The following PADI4 variants were observed in gnomAD, a reference collection of about 807,000 sequenced individuals.
The protein encoded by PADI4 is peptidyl arginine deiminase 4.
In PADI4, 62 loss-of-function variants were observed where a neutral mutation model predicts 75.0. The ratio of observed to expected loss-of-function variants is 0.83; its 90% CI spans 0.67 to 1.02. The LOEUF is 1.02. Ranked by LOEUF, PADI4 falls within the 50% of genes least tolerant of loss-of-function variation. The pLI, the probability that PADI4 is intolerant of heterozygous loss-of-function variation, is 0.00. For missense variants in PADI4, 845 were observed against 850.5 expected (o/e 0.99, Z 0.08); for synonymous variants, 361 against 348.1 (o/e 1.04, Z -0.41).
At chr1:17,355,186 G>C (rs2074738858) in intron 11 of PADI4, among the ~76,000 whole-genome samples, 1 of 152,204 alleles carries the variant, frequency 6.6e-6, no homozygotes, top group Non-Finnish European at 1.5e-5. Context: ...CCTGGCAAAT[G>C]AAAGTGCATG....
chr1:17,354,214 A>C (rs1241694019), intron 10 of PADI4, among the ~76,000 whole-genome samples: 2 of 152,078 alleles, frequency 1.3e-5, no homozygotes, highest in Non-Finnish European at 2.9e-5. Flanking sequence ...CGGCCCTCCA[A>C]CCTGGGCAAC....
intron 1 of PADI4, among the ~76,000 whole-genome samples, chr1:17,309,043 G>A (rs1318311131): frequency 6.6e-6 from 1 of 152,008 alleles, no homozygotes; most frequent in Non-Finnish European, 1.5e-5. Context: ...AAACAAGAGA[G>A]TTGAGGAATG....
intron 1 of PADI4, among the ~76,000 whole-genome samples, chr1:17,328,502 C>T (rs535329803): frequency 6.6e-6 from 1 of 152,150 alleles, no homozygotes; most frequent in Admixed American, 6.5e-5. Context: ...TAAAAATTAG[C>T]TGGGTGTGGT....
intron 1 of PADI4, among the ~76,000 whole-genome samples, chr1:17,321,119 G>A (rs1344013395): frequency 6.6e-6 from 1 of 152,198 alleles, no homozygotes; most frequent in African/African-American, 2.4e-5. Context: ...CTTTTGGTTG[G>A]AGTGATAAAG....
At chr1:17,351,316 T>C (rs2074615573) in intron 10 of PADI4, among the ~76,000 whole-genome samples, 1 of 149,502 alleles carries the variant, frequency 6.7e-6, no homozygotes, top group Admixed American at 6.7e-5. Context: ...TAAAGCCGAG[T>C]CTGGTGGCTC....
intron 1 of PADI4, among the ~76,000 whole-genome samples, chr1:17,313,526 A>AAAAAAAG (rs1557536933): frequency 6.8e-6 from 1 of 146,362 alleles, no homozygotes; most frequent in African/African-American, 2.5e-5. Flanking sequence ...AAAAAAGGAA[A>AAAAAAAG]GGAAGGAAAG....
intron 1 of PADI4, among the ~76,000 whole-genome samples, chr1:17,308,961 C>A: frequency 6.6e-6 from 1 of 152,076 alleles, no homozygotes; most frequent in East Asian, 1.9e-4. Context: ...CAGTGGTGGG[C>A]CCATCCTTGG....
chr1:17,334,596 C>T, intron 3 of PADI4: 1 of 456,250 alleles, frequency 2.2e-6, no homozygotes, highest in Non-Finnish European at 4.4e-6. Context: ...AACCACTGCG[C>T]CAGGCCCTCT....
At chr1:17,347,477 A>G (rs74058724) in intron 9 of PADI4, among the ~76,000 whole-genome samples, 8,392 of 152,166 alleles carry the variant, frequency 0.055, 278 homozygotes, top group African/African-American at 0.09. Flanking sequence ...GCTGGGTCTT[A>G]TCTGCCCTCC....
At chr1:17,354,077 T>TAA (rs11327771) in intron 10 of PADI4, among the ~76,000 whole-genome samples, 2 of 135,766 alleles carry the variant, frequency 1.5e-5, no homozygotes, top group African/African-American at 5.3e-5. Context: ...CCATCTCTAC[T>TAA]AAAAAAAAAA....
intron 15 of PADI4, among the ~76,000 whole-genome samples, chr1:17,363,027 A>G (rs1230676983): frequency 6.6e-6 from 1 of 152,052 alleles, no homozygotes; most frequent in African/African-American, 2.4e-5. Context: ...ATGTTGGCCA[A>G]GCTGGTCTCG....
chr1:17,354,425 GTA>G (rs1197394131), intron 10 of PADI4, 106 bp from the exon 11 acceptor site: 2 of 905,736 alleles, frequency 2.2e-6, no homozygotes, highest in Non-Finnish European at 3.7e-6. Flanking sequence ...GCTGTAGACG[GTA>G]CTGAGTTACT....
chr1:17,351,236 A>G (rs1412186689), intron 10 of PADI4, among the ~76,000 whole-genome samples: 11 of 150,302 alleles, frequency 7.3e-5, no homozygotes, highest in Admixed American at 6.6e-4. Context: ...ACAGGGAAAG[A>G]CAGAGTAGAG....
rs569314368 is a variant in PADI4 at position 17,340,046 on chromosome 1, G to A, written c.652+233G>A. Among the ~76,000 whole-genome samples the A allele has an allele frequency of 4.9e-3, 374 of 76,138 alleles. 4 individuals are homozygous for A. The highest frequency in any genetic ancestry group is 0.017 in the African/African-American group (352 of 20,244). The allele number at this position is 76,138 out of a possible 152,430, so 49.9% of individuals were successfully genotyped here. A position where few individuals can be genotyped will look rare whatever the true frequency, so the allele number is the denominator to read the frequency against. On this transcript the variant is annotated intron_variant, in intron 6 of 15. Coordinates refer to ENST00000375448, the MANE Select transcript of PADI4 (RefSeq NM_012387.3). ...TTTTCTTTCTCTCTCTCTCACACACGCGCGCGCACACACACACACACACAC... is the reference window on the plus strand; with the variant it reads ...TTTTCTTTCTCTCTCTCTCACACACACGCGCGCACACACACACACACACAC...
chr1:17,359,532 G>A (rs934273266), intron 15 of PADI4, 124 bp downstream of exon 15: 1 of 1,318,404 alleles, frequency 7.6e-7, no homozygotes, highest in Non-Finnish European at 1.1e-6. Context: ...TTGTAGCTTT[G>A]TCCTGAGTGG....
chr1:17,342,258 G>A, intron 7 of PADI4, 41 bp from the exon 8 acceptor site: 1 of 1,429,108 alleles, frequency 7.0e-7, no homozygotes, highest in Non-Finnish European at 9.9e-7. Context: ...GGCCCTGGCA[G>A]CGGTGACAGC....
chr1:17,363,924 C>A lies in PADI4; in HGVS notation c.*169C>A. 1 of 587,192 alleles carries A rather than the reference C, an allele frequency of 1.7e-6. No homozygotes were observed. Among genetic ancestry groups the A allele is most frequent in the Non-Finnish European group, 3.1e-6 (1 of 324,562 alleles). 36.4% of individuals were successfully genotyped at this position (587,192 alleles called of 1,614,324 possible). A position where few individuals can be genotyped will look rare whatever the true frequency, so the allele number is the denominator to read the frequency against. On this transcript the variant is annotated 3_prime_UTR_variant, in exon 16 of 16. Transcript: ENST00000375448. Reference sequence around the variant, plus strand: ...TGTCCCAGTTTCCCACTCTGAAGATCCCAACATGGTCCTAGCACTGCACAC... The same window carrying A: ...TGTCCCAGTTTCCCACTCTGAAGATACCAACATGGTCCTAGCACTGCACAC...
Position 17,357,000 on chromosome 1 carries a change from C to A in PADI4, c.1558+541C>A, listed in dbSNP as rs1310272674. ...TGTGGCTGAGAGCTCCACCTCAGAT[C>A]TGAGTATGTTGTGTGGCATCAGGAG... On this transcript the variant is annotated intron_variant, in intron 13 of 15. Transcript: ENST00000375448. This position sits in a 1 kb window ranked among gnomAD's most constrained non-coding sequence, Gnocchi z 4.1. 2.6e-5 allele frequency among the ~76,000 whole-genome samples: 4 copies of A among 152,148 alleles called. No individual in the cohort carries two copies. Among genetic ancestry groups the A allele is most frequent in the African/African-American group, 9.7e-5 (4 of 41,426 alleles).
At position 17,354,659 on chromosome 1, in the gene PADI4, AT is replaced by A. The variant is rs2074729147; in HGVS notation, c.1284del (p.Leu429SerfsTer32). The A allele has an allele frequency of 1.2e-6, 2 of 1,612,376 alleles. No homozygotes were observed. The highest frequency in any genetic ancestry group is 2.2e-5 in the South Asian group (2 of 90,908). On this transcript the variant is annotated frameshift_variant, in exon 11 of 16. Coordinates refer to ENST00000375448, the MANE Select transcript of PADI4 (RefSeq NM_012387.3). LOFTEE classifies it high-confidence loss of function. ...VRGKEYPLGR[I>X]LFGDSCYPSN... ...GGGCAAGGAATACCCGCTGGGCAGG[AT>A]TCTCTTCGGGGACAGCTGTTATCCC... is the stretch of plus-strand genomic sequence containing the variant.
Sources: allele counts gnomAD v4.1 joint callset (sites outside exome capture counted in the v4.1 genomes callset), GRCh38; gene constraint gnomAD v4.1.1; non-coding constraint Gnocchi (gnomAD v3.1); transcripts MANE v1.5; gene names NCBI Gene and HGNC (gene_info 2026-07-23, HGNC 2026-07-21).